The following TLE4 variants were observed in gnomAD, a reference collection of about 807,000 sequenced individuals.
TLE4 encodes the protein transducin-like enhancer protein 4.
A neutral mutation model predicts 92.8 loss-of-function variants in TLE4; 8 were observed. The observed-to-expected ratio is 0.09, with a 90% CI of 0.05 to 0.16. TLE4 has a LOEUF of 0.16. TLE4 is among the 10% of genes least tolerant of loss of function. TLE4 has a pLI of 1.00. For missense variants in TLE4, 675 were observed against 997.6 expected (o/e 0.68, Z 4.36); for synonymous variants, 371 against 374.1 (o/e 0.99, Z 0.10).
intron 16 of TLE4, among the ~76,000 whole-genome samples, chr9:79,721,466 CAG>C (rs2075631016): frequency 6.6e-6 from 1 of 152,124 alleles, no homozygotes; most frequent in South Asian, 2.1e-4. Context: ...TTGTTAATTT[CAG>C]AGATTTTTTT....
chr9:79,677,959 A>T (rs2063593684), intron 8 of TLE4, among the ~76,000 whole-genome samples: 1 of 152,122 alleles, frequency 6.6e-6, no homozygotes, highest in African/African-American at 2.4e-5. Context: ...TTCTATTTTG[A>T]ATGCTTCTTT....
intron 8 of TLE4, among the ~76,000 whole-genome samples, chr9:79,677,415 C>T (rs2063468743): frequency 6.6e-6 from 1 of 152,106 alleles, no homozygotes; most frequent in Admixed American, 6.6e-5. Context: ...ATGGGCCAGG[C>T]ATTGGGCTGT....
chr9:79,718,773 T>C lies in TLE4; in HGVS notation c.1392T>C (p.Phe464=). ...SADGQMQPVP[F]PPDALIGPGI... is the part of the protein sequence containing the mutation. ...ATGGTCAGATGCAGCCTGTCCCTTT[T>C]CCACCCGACGCCCTCATCGGACCTG... Residue 464 remains phenylalanine (F), a synonymous_variant, in exon 15 of 20, where the codon TTT becomes TTC. Transcript: ENST00000376552. 6.2e-7 allele frequency: 1 copy of C among 1,614,112 alleles called. No individual in the cohort carries two copies. Among genetic ancestry groups the C allele is most frequent in the Non-Finnish European group, 8.5e-7 (1 of 1,180,024 alleles).
At chr9:79,625,522 G>C (rs1160189384) in intron 5 of TLE4, among the ~76,000 whole-genome samples, 1 of 151,972 alleles carries the variant, frequency 6.6e-6, no homozygotes, top group African/African-American at 2.4e-5. Context: ...GTTGAGTATA[G>C]GAAAGTAAAA....
At position 79,718,653 on chromosome 9, in the gene TLE4, A is replaced by G. The variant is rs774928243; in HGVS notation, c.1341-69A>G. ...CTGAAGGTGTTTTATTTCTCATCTCATTACACTGAACAGTTAAGTGACATT... is the reference window on the plus strand; with the variant it reads ...CTGAAGGTGTTTTATTTCTCATCTCGTTACACTGAACAGTTAAGTGACATT... On this transcript the variant is annotated intron_variant, in intron 14 of 19. Transcript: ENST00000376552. The G allele has an allele frequency of 7.9e-5, 121 of 1,525,076 alleles. No homozygotes were observed. The Admixed American group carries it at 1.0e-3, about 13-fold the overall frequency. The allele number at this position is 1,525,076 out of a possible 1,614,324, so 94.5% of individuals were successfully genotyped here. A position where few individuals can be genotyped will look rare whatever the true frequency, so the allele number is the denominator to read the frequency against.
chr9:79,720,435 T>C (rs1328480677), intron 16 of TLE4, 142 bp downstream of exon 16: 7 of 1,119,876 alleles, frequency 6.3e-6, no homozygotes, highest in African/African-American at 1.6e-5. Flanking sequence ...TAAAGTGATA[T>C]AATTATCTTA....
chr9:79,715,096 G>A (rs1012678956), intron 14 of TLE4, among the ~76,000 whole-genome samples: 46 of 152,260 alleles, frequency 3.0e-4, no homozygotes, highest in Middle Eastern at 6.8e-3. Flanking sequence ...CATAGTAGGT[G>A]CTCACAGAGT....
Position 79,718,853 on chromosome 9 carries a change from G to A in TLE4, c.1472G>A (p.Cys491Tyr). The change falls in exon 15 of 20, where the codon TGC (cysteine) becomes TAC (tyrosine). Residue 491 changes from cysteine (C) to tyrosine (Y), a missense_variant. Physicochemically the swap from Cys to Tyr is radical, Grantham distance 194. Around this residue, in one of 5 missense-constraint regions of TLE4, gnomAD observed 119 missense variants for 175.9 expected, o/e 0.68. Transcript: ENST00000376552. ...INTLNHGEVV[C>Y]AVTISNPTRH... ...ACCCTCAACCACGGGGAGGTGGTGT[G>A]CGCGGTGACCATCAGCAACCCCACG... 6.2e-7 allele frequency: 1 copy of A among 1,614,182 alleles called. No individual in the cohort carries two copies. Among genetic ancestry groups the A allele is most frequent in the East Asian group, 2.2e-5 (1 of 44,870 alleles).
At chr9:79,701,015 AAAAT>A (rs2069688791) in intron 8 of TLE4, among the ~76,000 whole-genome samples, 1 of 152,070 alleles carries the variant, frequency 6.6e-6, no homozygotes, top group Non-Finnish European at 1.5e-5. Context: ...AGAGAAATAA[AAAAT>A]AATAAAATAA....
chr9:79,690,779 C>CTT (rs35528090), intron 8 of TLE4, among the ~76,000 whole-genome samples: 934 of 54,142 alleles, frequency 0.017, 158 homozygotes, highest in African/African-American at 0.053. Flanking sequence ...CCACTCCTGG[C>CTT]TTTTTTTTTT....
At position 79,708,615 on chromosome 9, in the gene TLE4, G is replaced by A. The variant is rs758646924; in HGVS notation, c.1092G>A (p.Met364Ile). 6.2e-7 allele frequency: 1 copy of A among 1,613,878 alleles called. No homozygotes were observed. Among genetic ancestry groups the A allele is most frequent in the South Asian group, 1.1e-5 (1 of 91,058 alleles). The change falls in exon 13 of 20, where the codon ATG becomes ATA. Residue 364 changes from methionine (M) to isoleucine (I), a missense_variant. Around this residue, in one of 5 missense-constraint regions of TLE4, gnomAD observed 280 missense variants for 287.3 expected, o/e 0.97. Transcript: ENST00000376552. ...CAGCCTCAAGCCTAAGGACCCCAAT[G>A]GCAGTACCTTGTCCATATCCAACTC... ...DPLASSLRTP[M>I]AVPCPYPTPF...
chr9:79,673,349 C>A (rs894486798), intron 8 of TLE4, among the ~76,000 whole-genome samples: 1 of 152,108 alleles, frequency 6.6e-6, no homozygotes, highest in Non-Finnish European at 1.5e-5. Context: ...TTTCTAGACC[C>A]CAACCAGTGG....
chr9:79,692,352 G>A (rs541487921), intron 8 of TLE4, among the ~76,000 whole-genome samples: 42 of 152,166 alleles, frequency 2.8e-4, no homozygotes, highest in African/African-American at 1.0e-3. Context: ...TTTCCCCAGG[G>A]TCCTGAGGCT....
At chr9:79,689,147 T>C (rs1400101156) in intron 8 of TLE4, among the ~76,000 whole-genome samples, 1 of 152,128 alleles carries the variant, frequency 6.6e-6, no homozygotes, top group Non-Finnish European at 1.5e-5. Flanking sequence ...CCTTGATGAA[T>C]TCAGACTGCA....
At chr9:79,614,491 C>G (rs966935325) in intron 5 of TLE4, among the ~76,000 whole-genome samples, 1 of 152,072 alleles carries the variant, frequency 6.6e-6, no homozygotes, top group African/African-American at 2.4e-5. Flanking sequence ...TGGTGCTGAG[C>G]AAGACTGGAC....
chr9:79,649,901 GT>G lies in TLE4; in HGVS notation c.391-2685del, dbSNP rs777434804. 3.7e-6 allele frequency: 5 copies of G among 1,334,596 alleles called. No homozygotes were observed. In the African/African-American group the frequency reaches 4.6e-5, roughly 12 times the overall value. The allele number at this position is 1,334,596 out of a possible 1,614,324, so 82.7% of individuals were successfully genotyped here. On this transcript the variant is annotated intron_variant, in intron 6 of 19. Transcript: ENST00000376552. The stretch of plus-strand genomic sequence containing the variant: ...AGGGCTTTTTGTTGTTGTTGTTGTT[GT>G]TTTTTTGTTTTTTGTTTTTTGTTTT...
intron 8 of TLE4, among the ~76,000 whole-genome samples, chr9:79,694,362 G>C (rs73457298): frequency 6.6e-6 from 1 of 152,282 alleles, no homozygotes; most frequent in African/African-American, 2.4e-5. Context: ...TTTTAGCACT[G>C]GTTAGTGGAG....
chr9:79,599,989 T>G (rs1004392392), intron 4 of TLE4, among the ~76,000 whole-genome samples: 1 of 152,218 alleles, frequency 6.6e-6, no homozygotes, highest in South Asian at 2.1e-4. Context: ...TTACTTGTCT[T>G]GTTCACCCCT....
intron 8 of TLE4, among the ~76,000 whole-genome samples, chr9:79,670,390 C>T (rs939991932): frequency 2.0e-5 from 3 of 152,044 alleles, no homozygotes; most frequent in Admixed American, 2.0e-4. Flanking sequence ...ACTTAGGCCA[C>T]GTCAAAAAGA....
Sources: allele counts gnomAD v4.1 joint callset (sites outside exome capture counted in the v4.1 genomes callset), GRCh38; gene constraint gnomAD v4.1.1; regional missense constraint gnomAD v4.1.1; transcripts MANE v1.5; gene names NCBI Gene and HGNC (gene_info 2026-07-23, HGNC 2026-07-21).